RYR2: variants seen among roughly 807,000 people sequenced by gnomAD.
RYR2 encodes the protein cardiac muscle ryanodine receptor-calcium release channel.
Under a neutral mutation model 601.1 loss-of-function variants are expected in RYR2, and 227 were observed. That is an observed-to-expected ratio of 0.38 (90% CI 0.34 to 0.42). The LOEUF (loss-of-function observed/expected upper bound fraction) is 0.42. Ranked by LOEUF, RYR2 falls within the 10% of genes least tolerant of loss-of-function variation. The pLI, the probability that RYR2 is intolerant of heterozygous loss-of-function variation, is 1.00. For missense variants in RYR2, 4,646 were observed against 6,156.5 expected (o/e 0.75, Z 8.21); for synonymous variants, 2,223 against 2,175.1 (o/e 1.02, Z -0.61).
chr1:237,600,515 G>A (rs1196975291), intron 34 of RYR2, among the ~76,000 whole-genome samples: 1 of 152,116 alleles, frequency 6.6e-6, no homozygotes, highest in Non-Finnish European at 1.5e-5. Context: ...AAACATGGGG[G>A]AAACACTTCA....
At chr1:237,730,432 T>C (rs1157647120) in intron 77 of RYR2, 76 bp downstream of exon 77, 1 of 764,556 alleles carries the variant, frequency 1.3e-6, no homozygotes, top group Non-Finnish European at 2.2e-6. Context: ...GCAGTCATTA[T>C]ATAACATTGA....
chr1:237,831,390 T>G (rs1407144322), intron 103 of RYR2, 124 bp from the exon 104 acceptor site: 2 of 594,282 alleles, frequency 3.4e-6, no homozygotes. Flanking sequence ...TCCAAAAATT[T>G]GCATGTGGCG....
intron 1 of RYR2, among the ~76,000 whole-genome samples, chr1:237,160,347 A>G (rs1158873857): frequency 6.6e-6 from 1 of 152,184 alleles, no homozygotes; most frequent in Non-Finnish European, 1.5e-5. Flanking sequence ...ATGGTCTTCA[A>G]TTACATTTTC....
chr1:237,396,630 T>C (rs1702883488), intron 10 of RYR2, among the ~76,000 whole-genome samples: 1 of 152,230 alleles, frequency 6.6e-6, no homozygotes, highest in Non-Finnish European at 1.5e-5. Flanking sequence ...GCATCTCTCT[T>C]CCTGACTCTC....
At chr1:237,761,528 T>C (rs146901170) in intron 84 of RYR2, among the ~76,000 whole-genome samples, 2 of 152,284 alleles carry the variant, frequency 1.3e-5, no homozygotes, top group South Asian at 2.1e-4. Context: ...CAAGTCTAGA[T>C]TGATGAAAGA....
chr1:237,156,103 G>C (rs758162524), intron 1 of RYR2, among the ~76,000 whole-genome samples: 2 of 152,108 alleles, frequency 1.3e-5, no homozygotes, highest in Non-Finnish European at 2.9e-5. Context: ...TCGTGGCTTG[G>C]GCTCTGTGTT....
intron 84 of RYR2, among the ~76,000 whole-genome samples, chr1:237,763,968 A>T (rs912865792): frequency 1.3e-5 from 2 of 152,244 alleles, no homozygotes; most frequent in Non-Finnish European, 2.9e-5. Flanking sequence ...AACATCTGTT[A>T]GTGATGTCAC....
intron 27 of RYR2, among the ~76,000 whole-genome samples, chr1:237,561,297 T>C (rs2061837): frequency 0.83 from 125,590 of 152,122 alleles, 53,464 homozygotes; most frequent in Non-Finnish European, 0.92. Context: ...GTGTTTACTA[T>C]GTGCCAGGAT....
chr1:237,399,924 T>C (rs556343933), intron 10 of RYR2, among the ~76,000 whole-genome samples: 1 of 151,948 alleles, frequency 6.6e-6, no homozygotes, highest in African/African-American at 2.4e-5. Context: ...AAAGTTGAGT[T>C]TGAGAACAAA....
At chr1:237,658,958 A>T (rs1161832232) in intron 54 of RYR2, among the ~76,000 whole-genome samples, 1 of 152,208 alleles carries the variant, frequency 6.6e-6, no homozygotes, top group African/African-American at 2.4e-5. Context: ...TCTTATGCCT[A>T]CAGGTTCATG....
intron 54 of RYR2, 49 bp downstream of exon 54, chr1:237,658,071 T>A: frequency 9.4e-7 from 1 of 1,066,710 alleles, no homozygotes; most frequent in Non-Finnish European, 1.3e-6. Flanking sequence ...TAATGACTGG[T>A]CACTGTTCAA....
At chr1:237,390,808 T>C (rs1702313801) in intron 10 of RYR2, among the ~76,000 whole-genome samples, 1 of 152,208 alleles carries the variant, frequency 6.6e-6, no homozygotes, top group African/African-American at 2.4e-5. Context: ...TTCATGTTGA[T>C]AATTTCAGTT....
At chr1:237,686,994 C>T (rs928647952) in intron 62 of RYR2, among the ~76,000 whole-genome samples, 2 of 152,088 alleles carry the variant, frequency 1.3e-5, no homozygotes, top group African/African-American at 4.8e-5. Context: ...CTTAAAGTAA[C>T]ATTGTATGCC....
chr1:237,474,294 T>C (rs1185870726), intron 17 of RYR2, among the ~76,000 whole-genome samples: 3 of 48,904 alleles, frequency 6.1e-5, no homozygotes, highest in Non-Finnish European at 1.4e-4. Flanking sequence ...CATATATATA[T>C]ATACACACAC....
intron 86 of RYR2, among the ~76,000 whole-genome samples, chr1:237,772,654 C>CT (rs568446894): frequency 1.1e-3 from 169 of 152,208 alleles, no homozygotes; most frequent in South Asian, 9.3e-3. Flanking sequence ...CCCTGTACAA[C>CT]TTTTTTCCCC....
rs1689369042 is a variant in RYR2, at chr1:237,268,948, A to AC, written c.49-1549_49-1548insC. Among the ~76,000 whole-genome samples the AC allele has an allele frequency of 1.0e-4, 15 of 149,244 alleles. 3 individuals are homozygous for AC. The highest frequency in any genetic ancestry group is 4.2e-4 in the South Asian group (2 of 4,734). ...AGACTCTTGTCTCAAAAAAAAAAAA[A>AC]AAAAAAAAAAAAAGGAAATAAAGGC... is the stretch of plus-strand genomic sequence containing the variant. On this transcript the variant is annotated intron_variant, in intron 1 of 104. Coordinates refer to ENST00000366574, the MANE Select transcript of RYR2 (RefSeq NM_001035.3).
chr1:237,552,946 G>A (rs1313495533), intron 27 of RYR2, among the ~76,000 whole-genome samples: 1 of 151,852 alleles, frequency 6.6e-6, no homozygotes, highest in Admixed American at 6.6e-5. Flanking sequence ...TCTAATTTTT[G>A]TTGGCCTTTT....
At chr1:237,469,256 GACAAA>G in intron 17 of RYR2, 69 bp downstream of exon 17, 6 of 50,940 alleles carry the variant, frequency 1.2e-4, no homozygotes, top group South Asian at 5.4e-4. Context: ...TATCCTTTAA[GACAAA>G]AAAAAAAAAA....
At chr1:237,055,007 G>C (rs989225287) in intron 1 of RYR2, among the ~76,000 whole-genome samples, 1 of 152,152 alleles carries the variant, frequency 6.6e-6, no homozygotes, top group Non-Finnish European at 1.5e-5. Flanking sequence ...CAGATCCAGG[G>C]CTGGGGACAG....
Sources: gnomAD v4.1 joint callset for allele counts (sites outside exome capture counted in the v4.1 genomes callset) on GRCh38, gnomAD v4.1.1 for gene constraint, MANE v1.5 for transcripts, NCBI Gene and HGNC (gene_info 2026-07-23, HGNC 2026-07-21) for gene names.